Variants in CERKL observed in about 807,000 individuals in gnomAD.
CERKL encodes CERK like autophagy regulator, also known as ceramide kinase-like protein.
In CERKL, 61 loss-of-function variants were observed where a neutral mutation model predicts 63.4. The observed-to-expected ratio is 0.96, with a 90% CI of 0.78 to 1.19. The LOEUF is 1.19. Among genes scored for constraint, CERKL ranks in the 50% most tolerant of loss-of-function variants. CERKL has a pLI of 0.00. For synonymous variants in CERKL, 250 were observed against 230.5 expected (o/e 1.08, Z -0.77); for missense variants, 675 against 655.5 (o/e 1.03, Z -0.33).
intron 2 of CERKL, among the ~76,000 whole-genome samples, chr2:181,584,916 C>G (rs1684695707): frequency 6.6e-6 from 1 of 151,602 alleles, no homozygotes; most frequent in Non-Finnish European, 1.5e-5. Context: ...CATTTGTGAC[C>G]TACTCTTTCC....
At chr2:181,583,606 T>C (rs1302957788) in intron 2 of CERKL, among the ~76,000 whole-genome samples, 2 of 152,336 alleles carry the variant, frequency 1.3e-5, no homozygotes, top group South Asian at 4.1e-4. Flanking sequence ...GTCTTCAGAA[T>C]GAAAGTCCAG....
chr2:181,583,470 A>T (rs1021948822), intron 2 of CERKL, among the ~76,000 whole-genome samples: 1 of 152,238 alleles, frequency 6.6e-6, no homozygotes, highest in Non-Finnish European at 1.5e-5. Flanking sequence ...AGTATCAAAC[A>T]TGAATCTCAG....
intron 1 of CERKL, among the ~76,000 whole-genome samples, chr2:181,654,310 A>G (rs141480745): frequency 8.3e-4 from 126 of 152,264 alleles, no homozygotes; most frequent in Middle Eastern, 6.8e-3. Context: ...AAGAACTACA[A>G]TTACTACGGT....
Position 181,558,940 on chromosome 2 carries a change from T to G in CERKL, c.678-232A>C, listed in dbSNP as rs948342648. Among the ~76,000 whole-genome samples the G allele has an allele frequency of 2.0e-5, 3 of 152,154 alleles. No individual in the cohort carries two copies. The highest frequency in any genetic ancestry group is 7.2e-5 in the African/African-American group (3 of 41,434). Reference sequence around the variant, plus strand: ...ATAATTCCCCATAGACAAAATAGCTTTAAGTGTGTTAAGAGATATGAAAAC... The same window carrying G: ...ATAATTCCCCATAGACAAAATAGCTGTAAGTGTGTTAAGAGATATGAAAAC... On this transcript the variant is annotated intron_variant, in intron 4 of 12. Coordinates refer to ENST00000410087, the MANE Select transcript of CERKL (RefSeq NM_201548.5). The surrounding 1 kb of genome is among the most constrained non-coding windows in gnomAD (Gnocchi z 4.2).
At chr2:181,594,810 G>C (rs1296405452) in intron 2 of CERKL, among the ~76,000 whole-genome samples, 1 of 152,082 alleles carries the variant, frequency 6.6e-6, no homozygotes, top group Non-Finnish European at 1.5e-5. Context: ...GCACATAGCT[G>C]CTGCAAATAT....
At chr2:181,583,836 A>G (rs1559089685) in intron 2 of CERKL, among the ~76,000 whole-genome samples, 1 of 152,226 alleles carries the variant, frequency 6.6e-6, no homozygotes, top group Non-Finnish European at 1.5e-5. Context: ...ATGATTCTTG[A>G]TCAGACACTA....
At chr2:181,565,779 C>G (rs1165908613) in intron 4 of CERKL, among the ~76,000 whole-genome samples, 1 of 152,052 alleles carries the variant, frequency 6.6e-6, no homozygotes, top group Non-Finnish European at 1.5e-5. Context: ...ATTATAGATG[C>G]AAATGTATGC....
Position 181,538,077 on chromosome 2 carries a change from C to T in CERKL, c.*107G>A, listed in dbSNP as rs750330052. ...CCCCCATCCACGGAAAAATTGTCTT[C>T]CATGAAACTGGTCCCAAAAAGGGTG... On this transcript the variant is annotated 3_prime_UTR_variant, in exon 13 of 13. Coordinates refer to ENST00000410087, the MANE Select transcript of CERKL (RefSeq NM_201548.5). 1.3e-5 allele frequency: 10 copies of T among 754,548 alleles called. No homozygotes were observed. The highest frequency in any genetic ancestry group is 2.4e-6 in the Non-Finnish European group (1 of 418,206). 46.7% of individuals were successfully genotyped at this position (754,548 alleles called of 1,614,324 possible).
intron 1 of CERKL, 109 bp downstream of exon 1, chr2:181,656,660 G>A: frequency 1.1e-6 from 1 of 939,692 alleles, no homozygotes; most frequent in South Asian, 1.8e-5. Context: ...ACGGGGAGGG[G>A]AGGCGAGAAA....
At chr2:181,581,640 C>T (rs746327535) in intron 2 of CERKL, among the ~76,000 whole-genome samples, 9 of 152,290 alleles carry the variant, frequency 5.9e-5, no homozygotes, top group Admixed American at 6.5e-5. Context: ...CAAATCCAAA[C>T]GTACAGTAAG....
intron 2 of CERKL, among the ~76,000 whole-genome samples, chr2:181,602,704 A>G (rs914106162): frequency 3.3e-5 from 5 of 152,206 alleles, no homozygotes; most frequent in South Asian, 2.1e-4. Flanking sequence ...TTCTTCATCA[A>G]TGATGCTGGA....
intron 5 of CERKL, among the ~76,000 whole-genome samples, chr2:181,551,645 A>C (rs1282616479): frequency 1.3e-5 from 2 of 152,144 alleles, no homozygotes; most frequent in African/African-American, 4.8e-5. Context: ...AAAAGTCAAT[A>C]AACAATAGAT....
At chr2:181,616,517 G>A (rs1389505754) in intron 1 of CERKL, among the ~76,000 whole-genome samples, 2 of 152,010 alleles carry the variant, frequency 1.3e-5, no homozygotes, top group Non-Finnish European at 2.9e-5. Flanking sequence ...CAGCCTAAAT[G>A]TTATTCTTTG....
intron 4 of CERKL, among the ~76,000 whole-genome samples, chr2:181,565,059 T>C (rs894878196): frequency 6.6e-6 from 1 of 152,120 alleles, no homozygotes; most frequent in Non-Finnish European, 1.5e-5. Context: ...GCTATTGTTT[T>C]CTCCTCATCC....
At chr2:181,586,435 A>G (rs1355891298) in intron 2 of CERKL, among the ~76,000 whole-genome samples, 1 of 152,018 alleles carries the variant, frequency 6.6e-6, no homozygotes, top group Non-Finnish European at 1.5e-5. Context: ...TAAATCCCCT[A>G]AACTCCTTGA....
intron 2 of CERKL, among the ~76,000 whole-genome samples, chr2:181,594,508 T>C (rs1350049171): frequency 6.6e-6 from 1 of 152,182 alleles, no homozygotes; most frequent in Non-Finnish European, 1.5e-5. Flanking sequence ...AATTAGCAAG[T>C]GGGAAGGCAA....
chr2:181,582,537 G>GTT (rs1254376276), intron 2 of CERKL, among the ~76,000 whole-genome samples: 3 of 118,858 alleles, frequency 2.5e-5, no homozygotes, highest in African/African-American at 6.8e-5. Flanking sequence ...ATATATATAT[G>GTT]TTTTTTTTTT....
chr2:181,541,661 G>A (rs1687511911), intron 11 of CERKL, among the ~76,000 whole-genome samples: 1 of 152,204 alleles, frequency 6.6e-6, no homozygotes, highest in South Asian at 2.1e-4. Context: ...GAACCTGAAG[G>A]CCAAAAGGAG....
intron 1 of CERKL, among the ~76,000 whole-genome samples, chr2:181,646,119 T>G (rs1442589708): frequency 6.6e-6 from 1 of 152,132 alleles, no homozygotes; most frequent in Non-Finnish European, 1.5e-5. Flanking sequence ...AGGGTAGTGA[T>G]TGGTCGGACA....
Sources: gnomAD v4.1 joint callset for allele counts (sites outside exome capture counted in the v4.1 genomes callset) on GRCh38, gnomAD v4.1.1 for gene constraint, Gnocchi (gnomAD v3.1) non-coding constraint, MANE v1.5 for transcripts, NCBI Gene and HGNC (gene_info 2026-07-23, HGNC 2026-07-21) for gene names.